DOCK7: variants seen among roughly 807,000 people sequenced by gnomAD.
DOCK7 encodes the protein dedicator of cytokinesis protein 7.
In DOCK7, 138 loss-of-function variants were observed where a neutral mutation model predicts 271.0. That is an observed-to-expected ratio of 0.51 (90% CI 0.44 to 0.59). DOCK7 has a LOEUF of 0.59. DOCK7 is among the 20% of genes least tolerant of loss of function. The pLI is 0.00. For synonymous variants in DOCK7, 823 were observed against 876.1 expected, an observed-to-expected ratio of 0.94 and a Z score of 1.07; for missense variants, 2,066 against 2,592.4, an observed-to-expected ratio of 0.80 and a Z score of 4.41.
At position 62,633,561 on chromosome 1, in the gene DOCK7, C is replaced by A. The variant is rs1346639425; in HGVS notation, c.1053G>T (p.Gln351His). The A allele has an allele frequency of 1.2e-6, 2 of 1,612,616 alleles. No homozygotes were observed. Among genetic ancestry groups the A allele is most frequent in the South Asian group, 1.1e-5 (1 of 90,840 alleles). Residue 351 changes from glutamine (Q) to histidine (H), a missense_variant, in exon 10 of 50, where the codon CAG becomes CAT. Physicochemically the swap from Gln to His is conservative, Grantham distance 24. Coordinates refer to ENST00000635253, the MANE Select transcript of DOCK7 (RefSeq NM_001367561.1). ...CTGCACACTCTCCAATGTCTCCTTGCTGTAGGACTTTTTCTAGCTGTCAAA... is the reference window on the plus strand; with the variant it reads ...CTGCACACTCTCCAATGTCTCCTTGATGTAGGACTTTTTCTAGCTGTCAAA... ...FLVIKLEKVL[Q>H]QGDIGECAEP... is the part of the protein sequence containing the mutation.
At chr1:62,475,122 T>A in intron 47 of DOCK7, 86 bp downstream of exon 47, 1 of 1,410,492 alleles carries the variant, frequency 7.1e-7, no homozygotes, top group East Asian at 2.6e-5. Context: ...ATCCTTTTCA[T>A]CTGACTTAAC....
chr1:62,578,728 A>AAC, intron 17 of DOCK7, 100 bp downstream of exon 17: 1 of 985,484 alleles, frequency 1.0e-6, no homozygotes, highest in Non-Finnish European at 1.4e-6. Context: ...AAAAAAAAAA[A>AAC]AAAAAAAAAA....
rs763331531 is a variant in DOCK7, at chr1:62,455,346, A to G, written c.*68T>C. 3.3e-6 allele frequency: 5 copies of G among 1,526,012 alleles called. No homozygotes were observed. Among genetic ancestry groups the G allele is most frequent in the South Asian group, 2.3e-5 (2 of 88,832 alleles). The allele number at this position is 1,526,012 out of a possible 1,614,324, so 94.5% of individuals were successfully genotyped here. On this transcript the variant is annotated 3_prime_UTR_variant, in exon 50 of 50. Coordinates refer to ENST00000635253, the MANE Select transcript of DOCK7 (RefSeq NM_001367561.1). ...GAATTCCATTCCATGTTGTTTTCCA[A>G]TAGATCTTTTCACACTCGATGTTGA...
At position 62,688,287 on chromosome 1, in the gene DOCK7, G is replaced by GGCGA. The variant is rs1662091512; in HGVS notation, c.-24_-23insTCGC. On this transcript the variant is annotated 5_prime_UTR_variant, in exon 1 of 50. Coordinates refer to ENST00000635253, the MANE Select transcript of DOCK7 (RefSeq NM_001367561.1). ...CATGGCTGCTGCGGCGACGGCGACG[G>GGCGA]CGGCGGCGGCTGCGGCGGGCCGGGT... 5.7e-6 allele frequency: 7 copies of GGCGA among 1,225,758 alleles called. No individual in the cohort carries two copies. The African/African-American group carries it at 1.1e-4, about 19-fold the overall frequency. 75.9% of individuals were successfully genotyped at this position (1,225,758 alleles called of 1,614,324 possible).
intron 27 of DOCK7, among the ~76,000 whole-genome samples, chr1:62,539,322 G>A (rs1315170875): frequency 6.6e-6 from 1 of 152,140 alleles, no homozygotes; most frequent in Non-Finnish European, 1.5e-5. Context: ...ATAACTCAAG[G>A]AAATACTGGC....
chr1:62,580,000 G>A (rs1164416084), intron 16 of DOCK7, among the ~76,000 whole-genome samples: 1 of 152,000 alleles, frequency 6.6e-6, no homozygotes, highest in Admixed American at 6.6e-5. Flanking sequence ...GAAAAGCACG[G>A]CTGCTATTCA....
intron 2 of DOCK7, among the ~76,000 whole-genome samples, chr1:62,660,961 T>A (rs1015372497): frequency 2.0e-5 from 3 of 152,090 alleles, no homozygotes; most frequent in Non-Finnish European, 4.4e-5. Context: ...TAGCCAGGCA[T>A]GATGGCATGC....
chr1:62,505,713 C>G lies in DOCK7; in HGVS notation c.4580G>C (p.Cys1527Ser), dbSNP rs1158002746. The change falls in exon 36 of 50, where the codon TGT becomes TCT. Residue 1527 changes from cysteine (C) to serine (S), a missense_variant. Cys to Ser is a moderately radical substitution (Grantham distance 112). Around this residue, in one of 2 missense-constraint regions of DOCK7, gnomAD observed 652 missense variants for 922.1 expected, o/e 0.71. Coordinates refer to ENST00000635253, the MANE Select transcript of DOCK7 (RefSeq NM_001367561.1). Reference protein sequence around the residue: ...CNQSAVYLQHCFATQRALVSK... With the variant: ...CNQSAVYLQHSFATQRALVSK... ...AACCAAGGCTCTCTGTGTAGCAAAA[C>G]AGTGTTGTAGATAAACTGCACTTTG... 1 of 1,612,338 alleles carries G rather than the reference C, an allele frequency of 6.2e-7. No homozygotes were observed. The highest frequency in any genetic ancestry group is 1.7e-5 in the Admixed American group (1 of 59,732).
chr1:62,508,133 A>G, intron 34 of DOCK7, 75 bp from the exon 35 acceptor site: 2 of 1,298,748 alleles, frequency 1.5e-6, no homozygotes, highest in Non-Finnish European at 2.1e-6. Flanking sequence ...AAGGATGCAT[A>G]GAAATAAAAA....
At chr1:62,553,323 T>C (rs1482652442) in intron 21 of DOCK7, among the ~76,000 whole-genome samples, 1 of 6,320 alleles carries the variant, frequency 1.6e-4, no homozygotes, top group African/African-American at 7.5e-4. Flanking sequence ...TATATATATA[T>C]ATATATATAT....
chr1:62,478,704 C>T (rs2149264333), intron 43 of DOCK7: 1 of 152,038 alleles, frequency 6.6e-6, no homozygotes, highest in Non-Finnish European at 1.5e-5. Flanking sequence ...TGAGCCACCG[C>T]ACCCAGCCCA....
chr1:62,543,111 T>C (rs1467447913), intron 24 of DOCK7, among the ~76,000 whole-genome samples: 1 of 151,754 alleles, frequency 6.6e-6, no homozygotes, highest in Non-Finnish European at 1.5e-5. Flanking sequence ...AAATTTAAAC[T>C]TTGCTATGAG....
chr1:62,524,931 C>CTATATATATATA lies in DOCK7; in HGVS notation c.3936+3208_3936+3219dup, dbSNP rs147371901. Among the ~76,000 whole-genome samples, 720 of 103,550 alleles carry CTATATATATATA rather than the reference C, an allele frequency of 7.0e-3. 42 individuals are homozygous for CTATATATATATA. Among genetic ancestry groups the CTATATATATATA allele is most frequent in the African/African-American group, 0.019 (436 of 22,606 alleles). 67.9% of individuals were successfully genotyped at this position (103,550 alleles called of 152,430 possible). On this transcript the variant is annotated intron_variant, in intron 31 of 49. Coordinates refer to ENST00000635253, the MANE Select transcript of DOCK7 (RefSeq NM_001367561.1). ...AACAAAACAAAACCAACCAACCAAA[C>CTATATATATATA]TATATATATATATATATATATATAT... is the stretch of plus-strand genomic sequence containing the variant.
At chr1:62,640,989 C>G (rs1315000038) in intron 7 of DOCK7, 1 of 162,832 alleles carries the variant, frequency 6.1e-6, no homozygotes, top group Admixed American at 6.3e-5. Flanking sequence ...TTCCTTGCCC[C>G]CAGCTTCCTA....
chr1:62,606,128 T>G (rs145302352), intron 14 of DOCK7: 1 of 151,948 alleles, frequency 6.6e-6, no homozygotes, highest in Non-Finnish European at 1.5e-5. Context: ...TCCAGAAAAG[T>G]ACAAAATAAT....
rs775727192 is a variant in DOCK7, at chr1:62,513,439, C to T, written c.4282+5G>A. 1.3e-6 allele frequency: 2 copies of T among 1,583,106 alleles called. No individual in the cohort carries two copies. Among genetic ancestry groups the T allele is most frequent in the South Asian group, 2.4e-5 (2 of 84,782 alleles). ...ACAACTCAAGGAAATTGAAGAAATT[C>T]TCACCAGGAGGAGAAGCTATTGTGT... On this transcript the variant is annotated splice_donor_5th_base_variant and intron_variant, in intron 33 of 49. Coordinates refer to ENST00000635253, the MANE Select transcript of DOCK7 (RefSeq NM_001367561.1).
At chr1:62,612,581 T>TTAGGTGTATTAATTTTAGGTG (rs1477763809) in intron 14 of DOCK7, among the ~76,000 whole-genome samples, 2 of 152,224 alleles carry the variant, frequency 1.3e-5, no homozygotes, top group Non-Finnish European at 2.9e-5. Flanking sequence ...CTCTTTACTT[T>TTAGGTGTATTAATTTTAGGTG]TAGGTGTATT....
chr1:62,649,433 C>T (rs375120374), intron 4 of DOCK7, among the ~76,000 whole-genome samples: 4 of 152,242 alleles, frequency 2.6e-5, no homozygotes, highest in African/African-American at 9.6e-5. Flanking sequence ...AGTATTTTCT[C>T]TGAAAGAACT....
In DOCK7 at chr1:62,504,772, A is replaced by G. The variant is rs140731860; in HGVS notation, c.4622T>C (p.Leu1541Pro). The G allele has an allele frequency of 1.2e-6, 2 of 1,608,612 alleles. No individual in the cohort carries two copies. Among genetic ancestry groups the G allele is most frequent in the African/African-American group, 1.3e-5 (1 of 74,738 alleles). The change falls in exon 37 of 50, where the codon CTC becomes CCC. Residue 1541 changes from leucine to proline, a missense_variant. This residue lies in a region of DOCK7 where 652 missense variants were observed against 922.1 expected (regional missense o/e 0.71). Coordinates refer to ENST00000635253, the MANE Select transcript of DOCK7 (RefSeq NM_001367561.1). ...CTGCTCTGTCTCTTCTTCAAATAAG[A>G]GTTCAGGAAACTGTAAAACAACAAA... ...QRALVSKFPE[L>P]LFEEETEQCA...
Sources: allele counts gnomAD v4.1 joint callset (sites outside exome capture counted in the v4.1 genomes callset), GRCh38; gene constraint gnomAD v4.1.1; regional missense constraint gnomAD v4.1.1; transcripts MANE v1.5; gene names NCBI Gene and HGNC (gene_info 2026-07-23, HGNC 2026-07-21).